C3orf20: variants seen among roughly 807,000 people sequenced by gnomAD.
C3orf20 encodes the protein uncharacterized protein C3orf20.
Under a neutral mutation model 88.3 loss-of-function variants are expected in C3orf20, and 76 were observed. The observed-to-expected ratio is 0.86, with a 90% CI of 0.72 to 1.04. C3orf20 has a LOEUF of 1.04. C3orf20 is among the 50% of genes least tolerant of loss of function. The pLI, the probability that C3orf20 is intolerant of heterozygous loss-of-function variation, is 0.00. For synonymous variants in C3orf20, 436 were observed against 437.4 expected, an observed-to-expected ratio of 1.00 and a Z score of 0.04; for missense variants, 1,056 against 1,123.3, an observed-to-expected ratio of 0.94 and a Z score of 0.86.
chr3:14,738,820 T>TTTG (rs1553615421), intron 12 of C3orf20, among the ~76,000 whole-genome samples: 1 of 145,798 alleles, frequency 6.9e-6, no homozygotes, highest in African/African-American at 2.5e-5. Context: ...TTTTTGTTTT[T>TTTG]TTTTTTTTTT....
At chr3:14,750,429 G>T (rs1057422853) in intron 12 of C3orf20, among the ~76,000 whole-genome samples, 1 of 151,988 alleles carries the variant, frequency 6.6e-6, no homozygotes, top group African/African-American at 2.4e-5. Flanking sequence ...AGTATCACGT[G>T]CCTGTCATCC....
In C3orf20 at chr3:14,683,077, A is replaced by C; in HGVS notation, c.364A>C (p.Thr122Pro). 6.2e-6 allele frequency: 10 copies of C among 1,611,956 alleles called. No individual in the cohort carries two copies. Among genetic ancestry groups the C allele is most frequent in the Non-Finnish European group, 8.5e-6 (10 of 1,179,042 alleles). The stretch of plus-strand genomic sequence containing the variant: ...AGCCAAGCGCTCCACCCTCTCTCCC[A>C]CCATGGCCCGTCAGGTGCGCACCCA... ...GAAKRSTLSP[T>P]MARQVRTHQE... The change falls in exon 3 of 17, where the codon ACC becomes CCC. Residue 122 changes from threonine to proline, a missense_variant. Transcript: ENST00000253697.
In C3orf20 at chr3:14,684,329, G is replaced by A. The variant is rs748081819; in HGVS notation, c.572G>A (p.Cys191Tyr). ...HLNAKEMAFN[C>Y]LISTAGRSGY... Reference sequence around the variant, plus strand: ...AATGCCAAGGAGATGGCCTTCAACTGCCTGATCAGCACAGCCGGGAGAAGT... The same window carrying A: ...AATGCCAAGGAGATGGCCTTCAACTACCTGATCAGCACAGCCGGGAGAAGT... The change falls in exon 4 of 17, where the codon TGC (cysteine) becomes TAC (tyrosine). Residue 191 changes from cysteine (C) to tyrosine (Y), a missense_variant. Coordinates refer to ENST00000253697, the MANE Select transcript of C3orf20 (RefSeq NM_032137.5). 5.6e-6 allele frequency: 9 copies of A among 1,614,130 alleles called. No individual in the cohort carries two copies. In the South Asian group the frequency reaches 6.6e-5, roughly 12 times the overall value.
At chr3:14,754,909 G>C (rs1054867954) in intron 12 of C3orf20, among the ~76,000 whole-genome samples, 3 of 151,996 alleles carry the variant, frequency 2.0e-5, no homozygotes, top group Non-Finnish European at 2.9e-5. Context: ...ATTTTTAGTA[G>C]AGATGATGTC....
intron 3 of C3orf20, among the ~76,000 whole-genome samples, chr3:14,683,499 C>T: frequency 6.6e-6 from 1 of 152,056 alleles, no homozygotes; most frequent in East Asian, 1.9e-4. Context: ...GTCCGGGTGG[C>T]ATATGAAGTT....
intron 9 of C3orf20, 117 bp downstream of exon 9, chr3:14,715,526 A>G: frequency 7.5e-7 from 1 of 1,331,950 alleles, no homozygotes; most frequent in Non-Finnish European, 9.9e-7. Flanking sequence ...TAAGACAGGA[A>G]GCCTGCCCTG....
intron 12 of C3orf20, among the ~76,000 whole-genome samples, chr3:14,741,046 A>G (rs1204052944): frequency 6.6e-6 from 1 of 152,222 alleles, no homozygotes; most frequent in Admixed American, 6.5e-5. Context: ...TTGTGTATGA[A>G]AAACCGTAGA....
At chr3:14,755,481 T>G (rs2035335866) in intron 12 of C3orf20, among the ~76,000 whole-genome samples, 1 of 152,208 alleles carries the variant, frequency 6.6e-6, no homozygotes, top group South Asian at 2.1e-4. Flanking sequence ...AAGCTATAAT[T>G]AATAGATCCA....
At chr3:14,749,153 A>T (rs764907614) in intron 12 of C3orf20, among the ~76,000 whole-genome samples, 5 of 152,188 alleles carry the variant, frequency 3.3e-5, no homozygotes, top group Non-Finnish European at 1.5e-5. Context: ...ATATGTTTGC[A>T]ATTGTTATAT....
At chr3:14,723,806 TA>T (rs2034250109) in intron 10 of C3orf20, among the ~76,000 whole-genome samples, 1 of 71,008 alleles carries the variant, frequency 1.4e-5, no homozygotes, top group Non-Finnish European at 3.1e-5. Context: ...TATTTTATTT[TA>T]TTTTATTTTA....
intron 5 of C3orf20, among the ~76,000 whole-genome samples, chr3:14,702,629 C>T (rs528081148): frequency 6.6e-6 from 1 of 152,038 alleles, no homozygotes; most frequent in Admixed American, 6.5e-5. Context: ...TTTGTAGAGA[C>T]GGGGTTTCAC....
At chr3:14,699,133 C>A (rs984166260) in intron 5 of C3orf20, among the ~76,000 whole-genome samples, 1 of 152,094 alleles carries the variant, frequency 6.6e-6, no homozygotes, top group African/African-American at 2.4e-5. Context: ...AGGCCTGGGA[C>A]TCACTTTTCA....
intron 12 of C3orf20, among the ~76,000 whole-genome samples, chr3:14,746,454 T>C: frequency 6.6e-6 from 1 of 152,210 alleles, no homozygotes; most frequent in South Asian, 2.1e-4. Context: ...GCCCCAACTG[T>C]TTTTTCCCTG....
chr3:14,708,018 A>G (rs2033592926), intron 7 of C3orf20, among the ~76,000 whole-genome samples: 2 of 151,914 alleles, frequency 1.3e-5, no homozygotes, highest in Non-Finnish European at 2.9e-5. Flanking sequence ...GGGTTTCTCC[A>G]TGTTGGTCAG....
chr3:14,712,293 C>A (rs531733208), intron 7 of C3orf20, among the ~76,000 whole-genome samples: 1 of 152,028 alleles, frequency 6.6e-6, no homozygotes, highest in Admixed American at 6.6e-5. Context: ...AGATTTCTGG[C>A]AACCACCAGA....
At chr3:14,733,875 G>T (rs543585409) in intron 12 of C3orf20, among the ~76,000 whole-genome samples, 1 of 152,214 alleles carries the variant, frequency 6.6e-6, no homozygotes, top group East Asian at 1.9e-4. Flanking sequence ...TTTTAGTAGG[G>T]ACGGGGTTTC....
chr3:14,738,455 A>G (rs1015630446), intron 12 of C3orf20, among the ~76,000 whole-genome samples: 2 of 150,976 alleles, frequency 1.3e-5, no homozygotes, highest in Non-Finnish European at 3.0e-5. Context: ...CAGCCTCCCC[A>G]GTAGCTGGGA....
At position 14,762,002 on chromosome 3, in the gene C3orf20, C is replaced by T. The variant is rs888579028; in HGVS notation, c.2495+387C>T. ...GTTTGGTGGGCAGGAGCTCTGGCTA[C>T]ACCCCCTCTCTGTCCCACCACACCC... is the stretch of plus-strand genomic sequence containing the variant. On this transcript the variant is annotated intron_variant, in intron 15 of 16. Coordinates refer to ENST00000253697, the MANE Select transcript of C3orf20 (RefSeq NM_032137.5). Among the ~76,000 whole-genome samples the T allele has an allele frequency of 6.6e-5, 10 of 152,342 alleles. 1 individual carries two copies. The East Asian group carries it at 1.2e-3, about 18-fold the overall frequency.
rs928095170 is a variant in C3orf20 at position 14,685,790 on chromosome 3, C to CT, written c.625+1416dup. 1.4e-3 allele frequency among the ~76,000 whole-genome samples: 202 copies of CT among 145,482 alleles called. 1 individual carries two copies. Among genetic ancestry groups the CT allele is most frequent in the African/African-American group, 4.9e-3 (191 of 39,190 alleles). ...TACAGGATTTGTCTTTTTTTTCTGG[C>CT]TTTTTTTTCATTCAGCATATAATGT... On this transcript the variant is annotated intron_variant, in intron 4 of 16. Coordinates refer to ENST00000253697, the MANE Select transcript of C3orf20 (RefSeq NM_032137.5).
Sources: gnomAD v4.1 joint callset for allele counts (sites outside exome capture counted in the v4.1 genomes callset) on GRCh38, gnomAD v4.1.1 for gene constraint, MANE v1.5 for transcripts, NCBI Gene and HGNC (gene_info 2026-07-23, HGNC 2026-07-21) for gene names.